EPPK1: variants seen among roughly 807,000 people sequenced by gnomAD.
The protein encoded by EPPK1 is epiplakin 1.
For missense variants in EPPK1, 3,823 were observed against 3,673.3 expected (o/e 1.04, Z -1.05); for synonymous variants, 1,862 against 1,721.2 (o/e 1.08, Z -2.03).
rs117516827 is a variant in EPPK1 at position 143,866,735 on chromosome 8, C to G, written c.6519G>C (p.Trp2173Cys). The change falls in exon 2 of 2, where the codon TGG (tryptophan) becomes TGC (cysteine). Residue 2173 changes from tryptophan to cysteine, a missense_variant. Transcript: ENST00000615648. ...TGATCTGTCGTCTAATTCCTTGGAA[C>G]CACAGGTGTTTGTTGCTGGTTTCCT... ...EKQETSNKHL[W>C]FQGIRRQITA... is the part of the protein sequence containing the mutation. 3.7e-4 allele frequency: 600 copies of G among 1,613,456 alleles called. 3 individuals carry two copies. The East Asian group carries it at 0.012, about 33-fold the overall frequency.
rs7005697 is a variant in EPPK1 at position 143,858,058 on chromosome 8, G to T, written c.15196C>A (p.Leu5066Met). ...AGGGTGGCCCTCTGCAGAAGCTGCA[G>T]GTACGTGAGGTTCTCGTGCGTGTTG... is the stretch of plus-strand genomic sequence containing the variant. The part of the protein sequence containing the change: ...DPNTHENLTY[L>M]QLLQRATLDP... Residue 5066 changes from leucine to methionine, a missense_variant, in exon 2 of 2, where the codon CTG becomes ATG. By Grantham distance (15) the Leu-to-Met change is conservative (BLOSUM62 2). Transcript: ENST00000615648. 6 of 1,603,606 alleles carry T rather than the reference G, an allele frequency of 3.7e-6. No homozygotes were observed. The highest frequency in any genetic ancestry group is 2.2e-5 in the South Asian group (2 of 90,658).
Position 143,868,961 on chromosome 8 carries a change from C to T in EPPK1, c.4293G>A (p.Leu1431=). The change falls in exon 2 of 2, where the codon CTG becomes CTA. Residue 1431 remains leucine, a synonymous_variant. Coordinates refer to ENST00000615648, the MANE Select transcript of EPPK1 (RefSeq NM_031308.4). ...CVCDSETGLL[L]LPLPSDTVLE... is the part of the protein sequence containing the mutation. ...GCACTGTGTCTGAGGGCAGTGGCAA[C>T]AGCAACAATCCGGTCTCGGAGTCGC... 2 of 1,610,746 alleles carry T rather than the reference C, an allele frequency of 1.2e-6. No homozygotes were observed. The highest frequency in any genetic ancestry group is 1.7e-6 in the Non-Finnish European group (2 of 1,179,838).
At chr8:143,878,666 G>A (rs1446746204), upstream of EPPK1, among the ~76,000 whole-genome samples, 1 of 151,876 alleles carries the variant, frequency 6.6e-6, no homozygotes, top group African/African-American at 2.4e-5. Context: ...TCCCCAGCAG[G>A]GAGTCACCGC....
At position 143,871,277 on chromosome 8, in the gene EPPK1, G is replaced by A; in HGVS notation, c.1977C>T (p.Asn659=). The A allele has an allele frequency of 1.2e-6, 2 of 1,612,906 alleles. No individual in the cohort carries two copies. The highest frequency in any genetic ancestry group is 1.7e-6 in the Non-Finnish European group (2 of 1,179,826). ...GTGCCTCCTCAACGGAGTGCCCCTT[G>A]TTTGCTTTTGGGTCGATGATGAAGC... is the stretch of plus-strand genomic sequence containing the variant. ...ATGFIIDPKA[N]KGHSVEEALR... is the part of the protein sequence containing the mutation. The change falls in exon 2 of 2, where the codon AAC becomes AAT. Residue 659 remains asparagine (N), a synonymous_variant. Coordinates refer to ENST00000615648, the MANE Select transcript of EPPK1 (RefSeq NM_031308.4).
In EPPK1 at chr8:143,872,797, C is replaced by A; in HGVS notation, c.457G>T (p.Val153Phe). The A allele has an allele frequency of 1.3e-6, 2 of 1,574,090 alleles. No homozygotes were observed. Among genetic ancestry groups the A allele is most frequent in the Non-Finnish European group, 1.7e-6 (2 of 1,157,006 alleles). Residue 153 changes from valine (V) to phenylalanine (F), a missense_variant, in exon 2 of 2, where the codon GTC becomes TTC. Coordinates refer to ENST00000615648, the MANE Select transcript of EPPK1 (RefSeq NM_031308.4). The part of the protein sequence containing the change: ...DRALGQSWLE[V>F]QLATGGLVDP... ...ACCAGGCCCCCAGTGGCCAGTTGGA[C>A]CTCCAGCCAGCTCTGCCCCAGGGCC...
rs1199085077 is a variant in EPPK1 at position 143,870,027 on chromosome 8, G to A, written c.3227C>T (p.Ala1076Val). The A allele has an allele frequency of 7.4e-6, 12 of 1,610,852 alleles. No homozygotes were observed. Among genetic ancestry groups the A allele is most frequent in the Admixed American group, 3.3e-5 (2 of 59,724 alleles). ...RGYVDQEMET[A>V]LSSSSETFPT... is the part of the protein sequence containing the mutation. ...GAAGGTTTCGGAGGAGCTGGACAAG[G>A]CTGTCTCCATCTCCTGGTCAACATA... The change falls in exon 2 of 2, where the codon GCC becomes GTC. Residue 1076 changes from alanine to valine, a missense_variant. Coordinates refer to ENST00000615648, the MANE Select transcript of EPPK1 (RefSeq NM_031308.4). This position sits in a 1 kb window ranked among gnomAD's most constrained non-coding sequence, Gnocchi z 5.2.
In EPPK1 at chr8:143,866,836, C is replaced by T; in HGVS notation, c.6418G>A (p.Val2140Met). The change falls in exon 2 of 2, where the codon GTG becomes ATG. Residue 2140 changes from valine to methionine, a missense_variant. Val to Met is a conservative substitution (Grantham distance 21). Transcript: ENST00000615648. ...CTGGTGTGTGTTCTATACATCCTCA[C>T]CAGCTGGAGCTTCTTCTCCTCTGTC... ...YVTEEKKLQL[V>M]RMYRTHTRRA... 3 of 1,613,404 alleles carry T rather than the reference C, an allele frequency of 1.9e-6. No individual in the cohort carries two copies. The highest frequency in any genetic ancestry group is 2.5e-6 in the Non-Finnish European group (3 of 1,179,864).
chr8:143,875,959 C>T (rs1203150505), intron 1 of EPPK1, among the ~76,000 whole-genome samples: 3 of 152,152 alleles, frequency 2.0e-5, no homozygotes, highest in African/African-American at 7.2e-5. Flanking sequence ...CCCCACCCCC[C>T]ACTGACCTAT....
intron 1 of EPPK1, among the ~76,000 whole-genome samples, chr8:143,874,916 G>A (rs556706633): frequency 1.3e-5 from 2 of 151,814 alleles, no homozygotes; most frequent in South Asian, 2.1e-4. Context: ...CACCACCCCC[G>A]GCTGCCAAAC....
In EPPK1 at chr8:143,866,954, T is replaced by C; in HGVS notation, c.6300A>G (p.Arg2100=). The change falls in exon 2 of 2, where the codon AGA becomes AGG. Residue 2100 remains arginine, a synonymous_variant. Coordinates refer to ENST00000615648, the MANE Select transcript of EPPK1 (RefSeq NM_031308.4). ...RDSEHIDDET[R]RALEAEQVEI... is the part of the protein sequence containing the mutation. ...CCACTTGCTCTGCCTCCAGGGCCCT[T>C]CTCGTCTCGTCATCGATGTGCTCGG... The C allele has an allele frequency of 6.2e-7, 1 of 1,612,838 alleles. No individual in the cohort carries two copies. Among genetic ancestry groups the C allele is most frequent in the Non-Finnish European group, 8.5e-7 (1 of 1,179,854 alleles).
Position 143,868,965 on chromosome 8 carries a change from A to C in EPPK1, c.4289T>G (p.Leu1430Trp). ...RCVCDSETGL[L>W]LLPLPSDTVL... ...TGTGTCTGAGGGCAGTGGCAACAGC[A>C]ACAATCCGGTCTCGGAGTCGCACAC... Residue 1430 changes from leucine to tryptophan, a missense_variant, in exon 2 of 2, where the codon TTG (leucine) becomes TGG (tryptophan). By Grantham distance (61) the Leu-to-Trp change is moderately conservative. Coordinates refer to ENST00000615648, the MANE Select transcript of EPPK1 (RefSeq NM_031308.4). The C allele has an allele frequency of 6.2e-7, 1 of 1,610,530 alleles. No homozygotes were observed. The highest frequency in any genetic ancestry group is 8.5e-7 in the Non-Finnish European group (1 of 1,179,804).
In EPPK1 at chr8:143,871,774, C is replaced by G. The variant is rs929195358; in HGVS notation, c.1480G>C (p.Ala494Pro). 1 of 1,610,930 alleles carries G rather than the reference C, an allele frequency of 6.2e-7. No homozygotes were observed. The highest frequency in any genetic ancestry group is 1.1e-5 in the South Asian group (1 of 90,954). Residue 494 changes from alanine (A) to proline (P), a missense_variant, in exon 2 of 2, where the codon GCC (alanine) becomes CCC (proline). Transcript: ENST00000615648. ...KYSTRQALST[A>P]TATVSVGKFR... ...TTCCCCACAGAGACGGTGGCTGTGG[C>G]CGTGCTCAGGGCCTGCCGAGTGCTG...
Position 143,868,426 on chromosome 8 carries a change from C to G in EPPK1, c.4828G>C (p.Ala1610Pro), listed in dbSNP as rs988104020. 2.9e-5 allele frequency: 47 copies of G among 1,612,536 alleles called. No individual in the cohort carries two copies. The highest frequency in any genetic ancestry group is 3.9e-5 in the Non-Finnish European group (46 of 1,179,750). Residue 1610 changes from alanine to proline, a missense_variant, in exon 2 of 2, where the codon GCT becomes CCT. Ala to Pro is a conservative substitution (Grantham distance 27). Transcript: ENST00000615648. ...ACGGGGTCGATGATGAAGCCGGTAG[C>G]TGCCTGTGCCTCCAGCAGCACCAGG... is the stretch of plus-strand genomic sequence containing the variant. ...TALVLLEAQA[A>P]TGFIIDPVEN...
chr8:143,874,793 T>A (rs1414030593), intron 1 of EPPK1, among the ~76,000 whole-genome samples: 8 of 151,480 alleles, frequency 5.3e-5, no homozygotes, highest in Admixed American at 5.3e-4. Flanking sequence ...GGAACCTCCC[T>A]CTGCTCAGCA....
rs1819111498 is a variant in EPPK1, at chr8:143,866,522, G to A, written c.6732C>T (p.Ser2244=). The A allele has an allele frequency of 3.2e-6, 5 of 1,575,566 alleles. No individual in the cohort carries two copies. Residue 2244 remains serine (S), a synonymous_variant, in exon 2 of 2, where the codon AGC becomes AGT. Coordinates refer to ENST00000615648, the MANE Select transcript of EPPK1 (RefSeq NM_031308.4). ...CGCCCTTCCACATGGCCTGGTAGAT[G>A]CTCATCTTCTCCTGGCGGCCGGGCT... ...KDQPGRQEKM[S]IYQAMWKGVL...
chr8:143,869,793 G>A lies in EPPK1; in HGVS notation c.3461C>T (p.Thr1154Ile), dbSNP rs1554660509. ...CAGCAGGCCCCTCCGTTGCTCCTCG[G>A]TGAAGTGGCAGGAGCTGAGCAGGTC... Reference protein sequence around the residue: ...LWDLLSSCHFTEEQRRGLLED... With the variant: ...LWDLLSSCHFIEEQRRGLLED... The change falls in exon 2 of 2, where the codon ACC (threonine) becomes ATC (isoleucine). Residue 1154 changes from threonine to isoleucine, a missense_variant. By Grantham distance (89) the Thr-to-Ile change is moderately conservative. Transcript: ENST00000615648. The A allele has an allele frequency of 6.2e-7, 1 of 1,605,390 alleles. No homozygotes were observed. Among genetic ancestry groups the A allele is most frequent in the Admixed American group, 1.7e-5 (1 of 59,062 alleles).
In EPPK1 at chr8:143,871,121, G is replaced by T; in HGVS notation, c.2133C>A (p.Ile711=). The T allele has an allele frequency of 6.2e-7, 1 of 1,613,228 alleles. No individual in the cohort carries two copies. ...GCAGGCGGATGCCGTGCTCCCGGACGATGAGGCCCTTCTGCATGGCCTGGA... is the reference window on the plus strand; with the variant it reads ...GCAGGCGGATGCCGTGCTCCCGGACTATGAGGCCCTTCTGCATGGCCTGGA... ...SLFQAMQKGL[I]VREHGIRLLE... is the part of the protein sequence containing the mutation. Residue 711 remains isoleucine (I), a synonymous_variant, in exon 2 of 2, where the codon ATC becomes ATA. Coordinates refer to ENST00000615648, the MANE Select transcript of EPPK1 (RefSeq NM_031308.4).
Position 143,858,058 on chromosome 8 carries a change from G to C in EPPK1, c.15196C>G (p.Leu5066Val), listed in dbSNP as rs7005697. The change falls in exon 2 of 2, where the codon CTG becomes GTG. Residue 5066 changes from leucine to valine, a missense_variant. Leu to Val is a conservative substitution (Grantham distance 32). Transcript: ENST00000615648. Reference sequence around the variant, plus strand: ...AGGGTGGCCCTCTGCAGAAGCTGCAGGTACGTGAGGTTCTCGTGCGTGTTG... The same window carrying C: ...AGGGTGGCCCTCTGCAGAAGCTGCACGTACGTGAGGTTCTCGTGCGTGTTG... ...DPNTHENLTY[L>V]QLLQRATLDP... The C allele has an allele frequency of 0.081, 129,293 of 1,599,304 alleles. 6,030 individuals are homozygous for C. Among genetic ancestry groups the C allele is most frequent in the Non-Finnish European group, 0.094 (110,345 of 1,167,878 alleles).
rs782652852 is a variant in EPPK1, at chr8:143,872,670, G to C, written c.584C>G (p.Thr195Arg). 6.2e-7 allele frequency: 1 copy of C among 1,608,008 alleles called. No homozygotes were observed. The highest frequency in any genetic ancestry group is 8.5e-7 in the Non-Finnish European group (1 of 1,178,582). ...WHKLSELEPGTGDLRFLDPNT... is the reference protein window; with the variant it reads ...WHKLSELEPGRGDLRFLDPNT... ...GGGGTCGAGGAAGCGCAGGTCACCT[G>C]TGCCAGGCTCAAGCTCTGACAGCTT... The change falls in exon 2 of 2, where the codon ACA becomes AGA. Residue 195 changes from threonine (T) to arginine (R), a missense_variant. Transcript: ENST00000615648.
Sources: gnomAD v4.1 joint callset for allele counts (sites outside exome capture counted in the v4.1 genomes callset) on GRCh38, gnomAD v4.1.1 for gene constraint, Gnocchi (gnomAD v3.1) non-coding constraint, MANE v1.5 for transcripts, NCBI Gene and HGNC (gene_info 2026-07-23, HGNC 2026-07-21) for gene names.